Variants in RFX3 observed in about 807,000 individuals in gnomAD.
The protein encoded by RFX3 is transcription factor RFX3.
RFX3 carries 14 observed loss-of-function variants against 98.6 expected under a neutral mutation model. The observed-to-expected ratio is 0.14, with a 90% confidence interval of 0.09 to 0.22. The LOEUF is 0.22. Among genes scored for constraint, RFX3 ranks in the 10% least tolerant of loss-of-function variants. The pLI, the probability that RFX3 is intolerant of heterozygous loss-of-function variation, is 1.00. For synonymous variants in RFX3, 383 were observed against 328.4 expected, an observed-to-expected ratio of 1.17 and a Z score of -1.80; for missense variants, 639 against 926.9, an observed-to-expected ratio of 0.69 and a Z score of 4.03.
chr9:3,399,138 A>G (rs1841218086), intron 1 of RFX3, among the ~76,000 whole-genome samples: 1 of 151,884 alleles, frequency 6.6e-6, no homozygotes, highest in Admixed American at 6.6e-5. Context: ...CTTTGAACTA[A>G]AAAACAAATT....
At chr9:3,423,943 C>G (rs543145937) in intron 1 of RFX3, among the ~76,000 whole-genome samples, 5 of 151,464 alleles carry the variant, frequency 3.3e-5, no homozygotes, top group African/African-American at 9.7e-5. Context: ...GTCAGGAGAT[C>G]GAGACCATCC....
Position 3,293,078 on chromosome 9 carries a change from T to G in RFX3, c.730A>C (p.Arg244=). ...ATGATCTTATTTTTCAATACTAACC[T>G]AGTGCCCAATCTCCTGGTTCGTAGC... ...MGLRTRRLGT[R]GNSKYHYYGI... The change falls in exon 6 of 17, where the codon AGA becomes CGA. Residue 244 remains arginine, a splice_region_variant and synonymous_variant. Transcript: ENST00000617270. The G allele has an allele frequency of 6.2e-7, 1 of 1,608,844 alleles. No individual in the cohort carries two copies. Among genetic ancestry groups the G allele is most frequent in the Non-Finnish European group, 8.5e-7 (1 of 1,177,078 alleles).
chr9:3,266,798 G>C (rs973651802), intron 11 of RFX3, among the ~76,000 whole-genome samples: 1 of 151,970 alleles, frequency 6.6e-6, no homozygotes, highest in African/African-American at 2.4e-5. Flanking sequence ...CTGTGAATTA[G>C]AGTAATTCTC....
chr9:3,299,247 T>C (rs750321286), intron 5 of RFX3, among the ~76,000 whole-genome samples: 7 of 151,676 alleles, frequency 4.6e-5, no homozygotes, highest in Non-Finnish European at 7.4e-5. Flanking sequence ...TTTTAGCAAA[T>C]AGTTATCAAC....
At chr9:3,347,403 TAAG>T (rs1162319816) in intron 2 of RFX3, among the ~76,000 whole-genome samples, 2 of 152,282 alleles carry the variant, frequency 1.3e-5, no homozygotes, top group African/African-American at 4.8e-5. Flanking sequence ...TTTTTTAAAT[TAAG>T]AACAATTCAT....
chr9:3,505,913 T>C (rs1444300500), intron 1 of RFX3, among the ~76,000 whole-genome samples: 3 of 151,846 alleles, frequency 2.0e-5, no homozygotes, highest in African/African-American at 7.2e-5. Context: ...GCAGAGGCCC[T>C]TGAAGAATGA....
At chr9:3,513,648 T>C (rs1410537538) in intron 1 of RFX3, among the ~76,000 whole-genome samples, 1 of 152,174 alleles carries the variant, frequency 6.6e-6, no homozygotes, top group Non-Finnish European at 1.5e-5. Flanking sequence ...TCACGGGCAG[T>C]AGGACTGGAA....
intron 1 of RFX3, among the ~76,000 whole-genome samples, chr9:3,521,501 A>G (rs1437564269): frequency 6.6e-6 from 1 of 152,216 alleles, no homozygotes; most frequent in Non-Finnish European, 1.5e-5. Flanking sequence ...TGTTGCAAAC[A>G]GCACAGCACC....
chr9:3,410,839 G>A (rs1040780189), intron 1 of RFX3, among the ~76,000 whole-genome samples: 3 of 152,202 alleles, frequency 2.0e-5, no homozygotes, highest in East Asian at 1.9e-4. Flanking sequence ...CAACCACGCC[G>A]CTTGATTTCT....
chr9:3,273,726 G>A (rs1043968714), intron 9 of RFX3, among the ~76,000 whole-genome samples: 3 of 151,970 alleles, frequency 2.0e-5, no homozygotes, highest in East Asian at 3.9e-4. Context: ...TTAGTGGGGC[G>A]TGGTGGTGCA....
chr9:3,524,559 A>T (rs1819023967), intron 1 of RFX3: 1 of 977,954 alleles, frequency 1.0e-6, no homozygotes, highest in South Asian at 4.7e-5. Flanking sequence ...AGGAGATTAA[A>T]AAAAAAAAAA....
chr9:3,251,681 A>T (rs1448275199), intron 14 of RFX3, among the ~76,000 whole-genome samples: 3 of 152,054 alleles, frequency 2.0e-5, no homozygotes, highest in Non-Finnish European at 4.4e-5. Context: ...ACTGCATAAT[A>T]AAAATATTTA....
intron 1 of RFX3, among the ~76,000 whole-genome samples, chr9:3,418,862 G>A (rs1843204219): frequency 6.6e-6 from 1 of 152,142 alleles, no homozygotes; most frequent in Admixed American, 6.5e-5. Flanking sequence ...TCTTTTCAAA[G>A]CAAGAGACAT....
chr9:3,232,785 AG>A (rs1421992190), intron 15 of RFX3, among the ~76,000 whole-genome samples: 2 of 144,648 alleles, frequency 1.4e-5, no homozygotes, highest in East Asian at 2.3e-4. Context: ...AGAGAGAGAG[AG>A]AGAGAGAGAG....
chr9:3,336,728 C>G (rs1036076698), intron 3 of RFX3, among the ~76,000 whole-genome samples: 2 of 151,968 alleles, frequency 1.3e-5, no homozygotes, highest in Admixed American at 6.5e-5. Flanking sequence ...GCAGTGTAAA[C>G]AATTTTCTTA....
chr9:3,311,745 G>C (rs1263368034), intron 4 of RFX3, among the ~76,000 whole-genome samples: 2 of 137,228 alleles, frequency 1.5e-5, no homozygotes, highest in East Asian at 2.0e-4. Context: ...AATTAGCTGG[G>C]TGTGGGTGGG....
At chr9:3,250,127 A>G (rs1436661686) in intron 14 of RFX3, among the ~76,000 whole-genome samples, 3 of 151,940 alleles carry the variant, frequency 2.0e-5, no homozygotes, top group African/African-American at 7.2e-5. Context: ...TATGGTAAAA[A>G]AAATTTTAAA....
At chr9:3,345,264 A>G (rs184753892) in intron 3 of RFX3, among the ~76,000 whole-genome samples, 8 of 152,310 alleles carry the variant, frequency 5.3e-5, no homozygotes, top group Admixed American at 2.6e-4. Context: ...AGAGAATGCT[A>G]TTTCAGCAGA....
intron 4 of RFX3, among the ~76,000 whole-genome samples, chr9:3,314,175 T>C (rs1054376851): frequency 1.3e-5 from 2 of 152,172 alleles, no homozygotes; most frequent in African/African-American, 4.8e-5. Context: ...GCGGATCTCT[T>C]GGCAGAAACT....
Sources: gnomAD v4.1 joint callset for allele counts (sites outside exome capture counted in the v4.1 genomes callset) on GRCh38, gnomAD v4.1.1 for gene constraint, MANE v1.5 for transcripts, NCBI Gene and HGNC (gene_info 2026-07-23, HGNC 2026-07-21) for gene names.